The following COTL1 variants were observed in gnomAD, a reference collection of about 807,000 sequenced individuals.
COTL1 encodes coactosin like F-actin binding protein 1.
COTL1 carries 15 observed loss-of-function variants against 16.5 expected under a neutral mutation model. That is an observed-to-expected ratio of 0.91 (90% CI 0.61 to 1.40). The LOEUF is 1.40. Among genes scored for constraint, COTL1 ranks in the 40% most tolerant of loss-of-function variants. COTL1 has a pLI of 0.00. For synonymous variants in COTL1, 112 were observed against 85.3 expected (o/e 1.31, Z -1.73); for missense variants, 220 against 201.5 (o/e 1.09, Z -0.56).
chr16:84,571,096 A>G (rs750141845), intron 3 of COTL1, among the ~76,000 whole-genome samples: 3 of 152,132 alleles, frequency 2.0e-5, no homozygotes, highest in Non-Finnish European at 4.4e-5. Flanking sequence ...GAATCCTGAC[A>G]TACTGCCTCC....
At chr16:84,595,026 C>T (rs1051744415) in intron 2 of COTL1, 14 of 152,322 alleles carry the variant, frequency 9.2e-5, no homozygotes, top group African/African-American at 3.4e-4. Context: ...TGGGCAACAC[C>T]CTTTGCCCCC....
intron 3 of COTL1, chr16:84,568,514 G>C (rs189647877): frequency 3.3e-5 from 5 of 152,166 alleles, no homozygotes; most frequent in African/African-American, 1.2e-4. Flanking sequence ...GATGAACCTC[G>C]GAAACAGGAT....
intron 3 of COTL1, among the ~76,000 whole-genome samples, chr16:84,588,983 T>C (rs561209830): frequency 2.0e-5 from 3 of 151,912 alleles, no homozygotes; most frequent in African/African-American, 7.2e-5. Context: ...GTTTTTTATT[T>C]ATTTTGAGAC....
chr16:84,610,198 C>T (rs1485454677), intron 2 of COTL1, among the ~76,000 whole-genome samples: 1 of 152,248 alleles, frequency 6.6e-6, no homozygotes, highest in African/African-American at 2.4e-5. Flanking sequence ...ATTCTCCTCT[C>T]CTCTGAGACT....
chr16:84,574,540 T>C (rs925301294), intron 3 of COTL1, among the ~76,000 whole-genome samples: 4 of 152,214 alleles, frequency 2.6e-5, no homozygotes, highest in Non-Finnish European at 5.9e-5. Context: ...CTGAAGCTGC[T>C]TGAATGGTTT....
At chr16:84,567,085 A>G (rs1904302137) in intron 3 of COTL1, 130 bp from the exon 4 acceptor site, 2 of 628,810 alleles carry the variant, frequency 3.2e-6, no homozygotes, top group Non-Finnish European at 5.8e-6. Flanking sequence ...GAAATTCAGC[A>G]GCAGAGTCAG....
At chr16:84,569,891 C>A (rs1217595691) in intron 3 of COTL1, among the ~76,000 whole-genome samples, 1 of 152,230 alleles carries the variant, frequency 6.6e-6, no homozygotes, top group East Asian at 1.9e-4. Context: ...TCCAAAGTTC[C>A]TCTGCTTTGT....
chr16:84,603,388 A>G (rs1905140250), intron 2 of COTL1, among the ~76,000 whole-genome samples: 1 of 132,558 alleles, frequency 7.5e-6, no homozygotes, highest in East Asian at 3.4e-4. Flanking sequence ...GAGTGAACAC[A>G]CTGGAAACCC....
In COTL1 at chr16:84,618,036, T is replaced by G; in HGVS notation, c.-122A>C. On this transcript the variant is annotated 5_prime_UTR_variant, in exon 1 of 4. Coordinates refer to ENST00000262428, the MANE Select transcript of COTL1 (RefSeq NM_021149.5). ...ACGGGCTGGCGGCGGTGGCGACGGC[T>G]ACGCGGCGCCTGCAAGCTGCGAGCG... The G allele has an allele frequency of 2.4e-6, 1 of 422,210 alleles. No individual in the cohort carries two copies. The highest frequency in any genetic ancestry group is 9.7e-5 in the South Asian group (1 of 10,308). The allele number at this position is 422,210 out of a possible 1,614,324, so 26.2% of individuals were successfully genotyped here.
intron 2 of COTL1, chr16:84,595,931 G>A (rs926010859): frequency 1.3e-5 from 2 of 151,632 alleles, no homozygotes; most frequent in African/African-American, 4.8e-5. Flanking sequence ...ATATATACAT[G>A]TATGTGTATG....
At chr16:84,600,343 C>T (rs1046452738) in intron 2 of COTL1, among the ~76,000 whole-genome samples, 3 of 137,834 alleles carry the variant, frequency 2.2e-5, no homozygotes, top group African/African-American at 8.3e-5. Context: ...GACGAAATCT[C>T]GCTCTGTTGT....
intron 3 of COTL1, among the ~76,000 whole-genome samples, chr16:84,569,556 A>G (rs1037215006): frequency 1.3e-5 from 2 of 152,130 alleles, no homozygotes; most frequent in Admixed American, 1.3e-4. Flanking sequence ...TGCCAGGAAC[A>G]GCCTCACTCA....
chr16:84,609,268 C>A (rs948923301), intron 2 of COTL1, among the ~76,000 whole-genome samples: 1 of 152,212 alleles, frequency 6.6e-6, no homozygotes, highest in African/African-American at 2.4e-5. Context: ...TTCCAGCTCC[C>A]TTCTTTTGGT....
At chr16:84,581,153 A>G (rs2038102131) in intron 3 of COTL1, among the ~76,000 whole-genome samples, 1 of 151,516 alleles carries the variant, frequency 6.6e-6, no homozygotes, top group Non-Finnish European at 1.5e-5. Context: ...AAACAAACAA[A>G]CAAACAAATA....
At chr16:84,604,239 C>G (rs1905163428) in intron 2 of COTL1, among the ~76,000 whole-genome samples, 1 of 78,916 alleles carries the variant, frequency 1.3e-5, no homozygotes, top group Non-Finnish European at 2.6e-5. Context: ...GCCACGGTCC[C>G]CACCCCCTGC....
intron 2 of COTL1, chr16:84,596,578 G>C (rs1277379438): frequency 6.6e-6 from 1 of 152,322 alleles, no homozygotes; most frequent in Non-Finnish European, 1.5e-5. Context: ...ATGCCCACTG[G>C]TGGCGTTTCA....
chr16:84,576,197 A>T (rs1182130549), intron 3 of COTL1: 2 of 152,236 alleles, frequency 1.3e-5, no homozygotes, highest in East Asian at 3.9e-4. Context: ...AGCTTCAGGG[A>T]ACAAGGAGGC....
chr16:84,607,895 C>T lies in COTL1; in HGVS notation c.160+9606G>A, dbSNP rs533715961. On this transcript the variant is annotated intron_variant, in intron 2 of 3. Coordinates refer to ENST00000262428, the MANE Select transcript of COTL1 (RefSeq NM_021149.5). Reference sequence around the variant, plus strand: ...TGATCAAGGGTGGAGCCCTAAGAAACGCCTAGACTTATCGGGCAGGAAGCA... The same window carrying T: ...TGATCAAGGGTGGAGCCCTAAGAAATGCCTAGACTTATCGGGCAGGAAGCA... Among the ~76,000 whole-genome samples the T allele has an allele frequency of 4.1e-4, 62 of 152,068 alleles. 2 individuals are homozygous for T. The highest frequency in any genetic ancestry group is 3.4e-4 in the Non-Finnish European group (23 of 68,018).
intron 3 of COTL1, among the ~76,000 whole-genome samples, chr16:84,573,170 T>C (rs952697078): frequency 1.6e-4 from 25 of 152,240 alleles, no homozygotes; most frequent in East Asian, 3.8e-4. Flanking sequence ...ATTTCCACAA[T>C]GTAATCAATG....
Sources: gnomAD v4.1 joint callset for allele counts (sites outside exome capture counted in the v4.1 genomes callset) on GRCh38, gnomAD v4.1.1 for gene constraint, MANE v1.5 for transcripts, NCBI Gene and HGNC (gene_info 2026-07-23, HGNC 2026-07-21) for gene names.